The following AHNAK2 variants were observed in gnomAD, a reference collection of about 807,000 sequenced individuals.
The protein encoded by AHNAK2 is AHNAK nucleoprotein 2.
AHNAK2 carries 18 observed loss-of-function variants against 30.7 expected under a neutral mutation model. The observed-to-expected ratio is 0.59, with a 90% CI of 0.41 to 0.87. The LOEUF is 0.87. Ranked by LOEUF, AHNAK2 falls within the 40% of genes least tolerant of loss-of-function variation. The pLI, the probability that AHNAK2 is intolerant of heterozygous loss-of-function variation, is 0.00. For missense variants in AHNAK2, 8,604 were observed against 7,373.0 expected (o/e 1.17, Z -6.11); for synonymous variants, 3,590 against 3,073.8 (o/e 1.17, Z -5.56).
intron 1 of AHNAK2, among the ~76,000 whole-genome samples, chr14:104,957,901 TG>T (rs1899028142): frequency 6.6e-6 from 1 of 152,220 alleles, no homozygotes; most frequent in African/African-American, 2.4e-5. Context: ...TATTCCAAGT[TG>T]GAACAGATTT....
rs373138740 is a variant in AHNAK2, at chr14:104,950,418, T to G, written c.5033A>C (p.Glu1678Ala). 2.5e-5 allele frequency: 39 copies of G among 1,586,772 alleles called. 4 individuals are homozygous for G. Among genetic ancestry groups the G allele is most frequent in the Admixed American group, 1.2e-4 (7 of 57,478 alleles). The stretch of plus-strand genomic sequence containing the variant: ...CGGCTCAGACACATCCACCGAGGCC[T>G]CGATGGACTTGCCTGGGGCCGACAC... ...FGVSAPGKSI[E>A]ASVDVSEPKV... Residue 1678 changes from glutamate to alanine, a missense_variant, in exon 7 of 7, where the codon GAG (glutamate) becomes GCG (alanine). Transcript: ENST00000333244.
intron 3 of AHNAK2, 23 bp from the exon 4 acceptor site, chr14:104,956,712 T>C (rs747008767): frequency 8.7e-6 from 14 of 1,610,700 alleles, no homozygotes; most frequent in Non-Finnish European, 1.2e-5. Flanking sequence ...GTGTTGGGAG[T>C]TAGGCACCTG....
In AHNAK2 at chr14:104,940,202, C is replaced by T; in HGVS notation, c.15249G>A (p.Glu5083=). 1 of 1,613,586 alleles carries T rather than the reference C, an allele frequency of 6.2e-7. No homozygotes were observed. Among genetic ancestry groups the T allele is most frequent in the Non-Finnish European group, 8.5e-7 (1 of 1,179,900 alleles). ...CCTGTGGCCGGTGGAGGTTCACACC[C>T]TCACTTCCTGTGGCACTTGCTGTTG... ...LGATASATGS[E]GVNLHRPQVH... is the part of the protein sequence containing the mutation. Residue 5083 remains glutamate, a synonymous_variant, in exon 7 of 7, where the codon GAG becomes GAA. Coordinates refer to ENST00000333244, the MANE Select transcript of AHNAK2 (RefSeq NM_138420.4). This position sits in a 1 kb window ranked among gnomAD's most constrained non-coding sequence, Gnocchi z 4.4.
At chr14:104,967,823 G>C (rs557553535) in intron 1 of AHNAK2, among the ~76,000 whole-genome samples, 1 of 152,192 alleles carries the variant, frequency 6.6e-6, no homozygotes, top group South Asian at 2.1e-4. Context: ...CCTCGGACCC[G>C]CGCCAGTCGG....
chr14:104,955,865 G>A (rs1360294416), intron 4 of AHNAK2, among the ~76,000 whole-genome samples: 1 of 152,234 alleles, frequency 6.6e-6, no homozygotes, highest in Non-Finnish European at 1.5e-5. Context: ...AACCTGCCAG[G>A]ACTTAGGCAC....
At position 104,942,682 on chromosome 14, in the gene AHNAK2, C is replaced by T. The variant is rs117776917; in HGVS notation, c.12769G>A (p.Val4257Met). 240 of 1,613,164 alleles carry T rather than the reference C, an allele frequency of 1.5e-4. No individual in the cohort carries two copies. The African/African-American group carries it at 2.2e-3, about 15-fold the overall frequency. ...GPKADVMTPV[V>M]EVSLPSMEVD... ...TCCATGCTGGGCAGAGACACCTCCA[C>T]GACGGGGGTCATCACATCCGCCTTG... Residue 4257 changes from valine to methionine, a missense_variant, in exon 7 of 7, where the codon GTG (valine) becomes ATG (methionine). Coordinates refer to ENST00000333244, the MANE Select transcript of AHNAK2 (RefSeq NM_138420.4).
chr14:104,948,142 C>G lies in AHNAK2; in HGVS notation c.7309G>C (p.Val2437Leu). 3 of 1,612,634 alleles carry G rather than the reference C, an allele frequency of 1.9e-6. No homozygotes were observed. Among genetic ancestry groups the G allele is most frequent in the South Asian group, 1.1e-5 (1 of 91,036 alleles). The part of the protein sequence containing the change: ...KLDLKGPKTD[V>L]MAPDVEVSQP... ...GACACCTCCACGTCGGGGGCCATCA[C>G]GTCCGTCTTGGGGCCTTTCAGGTCC... Residue 2437 changes from valine to leucine, a missense_variant, in exon 7 of 7, where the codon GTG (valine) becomes CTG (leucine). Coordinates refer to ENST00000333244, the MANE Select transcript of AHNAK2 (RefSeq NM_138420.4).
rs770531554 is a variant in AHNAK2 at position 104,942,655 on chromosome 14, C to T, written c.12796G>A (p.Val4266Met). 2.5e-5 allele frequency: 40 copies of T among 1,613,324 alleles called. No homozygotes were observed. Among genetic ancestry groups the T allele is most frequent in the Non-Finnish European group, 3.2e-5 (38 of 1,179,728 alleles). Residue 4266 changes from valine to methionine, a missense_variant, in exon 7 of 7, where the codon GTG becomes ATG. Val to Met is a conservative substitution (Grantham distance 21). Transcript: ENST00000333244. ...VVEVSLPSME[V>M]DVEAPGAKLD... ...TTGGCTCCCGGGGCCTCGACGTCCA[C>T]CTCCATGCTGGGCAGAGACACCTCC...
chr14:104,942,601 G>A lies in AHNAK2; in HGVS notation c.12850C>T (p.Leu4284=), dbSNP rs780221272. Residue 4284 remains leucine, a synonymous_variant, in exon 7 of 7, where the codon CTG becomes TTG. Transcript: ENST00000333244. ...GTCATGTCCTTGTCGGCTAGGGACA[G>A]GTCACCCTCCAGCCGCACACTGTCC... ...KLDSVRLEGD[L]SLADKDMTAK... 6.2e-7 allele frequency: 1 copy of A among 1,613,210 alleles called. No individual in the cohort carries two copies.
chr14:104,965,606 C>T (rs1253901695), intron 1 of AHNAK2, among the ~76,000 whole-genome samples: 1 of 152,174 alleles, frequency 6.6e-6, no homozygotes, highest in East Asian at 1.9e-4. Context: ...CAAGGAGGGT[C>T]TCAGAACTAA....
chr14:104,961,793 T>C (rs1386121399), intron 1 of AHNAK2, among the ~76,000 whole-genome samples: 1 of 151,898 alleles, frequency 6.6e-6, no homozygotes, highest in Non-Finnish European at 1.5e-5. Flanking sequence ...GGCAACACAG[T>C]GAGACCTCAT....
At chr14:104,968,333 C>T (rs1485050959) in intron 1 of AHNAK2, among the ~76,000 whole-genome samples, 1 of 145,640 alleles carries the variant, frequency 6.9e-6, no homozygotes, top group Non-Finnish European at 1.5e-5. Flanking sequence ...CTGGACTATC[C>T]TGGCGCAGGG....
Position 104,939,727 on chromosome 14 carries a change from C to A in AHNAK2, c.15724G>T (p.Val5242Leu). The change falls in exon 7 of 7, where the codon GTG (valine) becomes TTG (leucine). Residue 5242 changes from valine (V) to leucine (L), a missense_variant. By Grantham distance (32) the Val-to-Leu change is conservative. Coordinates refer to ENST00000333244, the MANE Select transcript of AHNAK2 (RefSeq NM_138420.4). The part of the protein sequence containing the change: ...VKEFLVSGSN[V>L]EAAMSLQLPE... ...AGCTGTAGGGACATAGCTGCCTCCA[C>A]GTTTGACCCAGAAACAAGGAACTCT... is the stretch of plus-strand genomic sequence containing the variant. 17 of 1,613,874 alleles carry A rather than the reference C, an allele frequency of 1.1e-5. No individual in the cohort carries two copies. The highest frequency in any genetic ancestry group is 1.4e-5 in the Non-Finnish European group (17 of 1,179,886).
At position 104,952,834 on chromosome 14, in the gene AHNAK2, G is replaced by C; in HGVS notation, c.2617C>G (p.Gln873Glu). The C allele has an allele frequency of 6.2e-7, 1 of 1,612,722 alleles. No homozygotes were observed. Among genetic ancestry groups the C allele is most frequent in the Non-Finnish European group, 8.5e-7 (1 of 1,179,588 alleles). The change falls in exon 7 of 7, where the codon CAG becomes GAG. Residue 873 changes from glutamine to glutamate, a missense_variant. By Grantham distance (29) the Gln-to-Glu change is conservative. Coordinates refer to ENST00000333244, the MANE Select transcript of AHNAK2 (RefSeq NM_138420.4). ...AGGTCAGTGGCCTTGAGGTCCCCCT[G>C]CATGGAGGAGAGGCTCACGTCGGCC... ...VEADVSLSSM[Q>E]GDLKATDLSI...
Position 104,949,330 on chromosome 14 carries a change from G to C in AHNAK2, c.6121C>G (p.Pro2041Ala), listed in dbSNP as rs570119913. 227 of 1,471,242 alleles carry C rather than the reference G, an allele frequency of 1.5e-4. 17 individuals carry two copies. The East Asian group carries it at 3.9e-3, about 25-fold the overall frequency. The allele number at this position is 1,471,242 out of a possible 1,614,324, so 91.1% of individuals were successfully genotyped here. The change falls in exon 7 of 7, where the codon CCT becomes GCT. Residue 2041 changes from proline to alanine, a missense_variant. Physicochemically the swap from Pro to Ala is conservative, Grantham distance 27. Coordinates refer to ENST00000333244, the MANE Select transcript of AHNAK2 (RefSeq NM_138420.4). ...GTCTGGACCTTCAGGTCGGCAGAAG[G>C]GGGCTGAATGCTGAGGTCAGTGGTC... ...LKTTDLSIQP[P>A]SADLKVQTGQ... is the part of the protein sequence containing the mutation.
In AHNAK2 at chr14:104,940,326, T is replaced by G; in HGVS notation, c.15125A>C (p.Gln5042Pro). 1 of 1,613,844 alleles carries G rather than the reference T, an allele frequency of 6.2e-7. No homozygotes were observed. The highest frequency in any genetic ancestry group is 8.5e-7 in the Non-Finnish European group (1 of 1,179,892). ...AGAAAGGGAAGGATCCACGTCTCTCTGTGGCAGGCTGACCCCACTCTTAGA... is the reference window on the plus strand; with the variant it reads ...AGAAAGGGAAGGATCCACGTCTCTCGGTGGCAGGCTGACCCCACTCTTAGA... ...KASKSGVSLP[Q>P]RDVDPSLSSA... The change falls in exon 7 of 7, where the codon CAG becomes CCG. Residue 5042 changes from glutamine (Q) to proline (P), a missense_variant. Physicochemically the swap from Gln to Pro is moderately conservative, Grantham distance 76. Transcript: ENST00000333244. The surrounding 1 kb of genome is among the most constrained non-coding windows in gnomAD (Gnocchi z 4.4).
rs1303643526 is a variant in AHNAK2, at chr14:104,943,710, T to C, written c.11741A>G (p.Asp3914Gly). The change falls in exon 7 of 7, where the codon GAC becomes GGC. Residue 3914 changes from aspartate (D) to glycine (G), a missense_variant. Coordinates refer to ENST00000333244, the MANE Select transcript of AHNAK2 (RefSeq NM_138420.4). ...CACTTCCACCTTGGGGTCTTTTAGG[T>C]CCAGCTTGGGGCCCTTGATGTCTAT... ...PEIDIKGPKL[D>G]LKDPKVEVTA... is the part of the protein sequence containing the mutation. The C allele has an allele frequency of 6.2e-7, 1 of 1,612,616 alleles. No homozygotes were observed. Among genetic ancestry groups the C allele is most frequent in the Non-Finnish European group, 8.5e-7 (1 of 1,179,452 alleles).
Position 104,943,004 on chromosome 14 carries a change from G to C in AHNAK2, c.12447C>G (p.Gly4149=), listed in dbSNP as rs780638014. 15 of 1,613,110 alleles carry C rather than the reference G, an allele frequency of 9.3e-6. No individual in the cohort carries two copies. The highest frequency in any genetic ancestry group is 5.0e-5 in the Admixed American group (3 of 59,956). Reference sequence around the variant, plus strand: ...CATCCACGGACGCCTCCATGGACTTGCCTGGGGCCGACACCCCGAATGATG... The same window carrying C: ...CATCCACGGACGCCTCCATGGACTTCCCTGGGGCCGACACCCCGAATGATG... ...KMPSFGVSAP[G]KSMEASVDVS... Residue 4149 remains glycine (G), a synonymous_variant, in exon 7 of 7, where the codon GGC becomes GGG. Coordinates refer to ENST00000333244, the MANE Select transcript of AHNAK2 (RefSeq NM_138420.4).
chr14:104,949,430 G>A lies in AHNAK2; in HGVS notation c.6021C>T (p.Ile2007=), dbSNP rs181281645. ...SFGVSAPGRS[I]EASVDVPAPK... Reference sequence around the variant, plus strand: ...GTGCAGGCACATCCACCGAGGCCTCGATGGACCTCCCTGGGGCCGATACCC... The same window carrying A: ...GTGCAGGCACATCCACCGAGGCCTCAATGGACCTCCCTGGGGCCGATACCC... The change falls in exon 7 of 7, where the codon ATC becomes ATT. Residue 2007 remains isoleucine, a synonymous_variant. Transcript: ENST00000333244. 4.8e-5 allele frequency: 76 copies of A among 1,587,196 alleles called. 7 individuals carry two copies. The highest frequency in any genetic ancestry group is 2.3e-4 in the African/African-American group (17 of 73,462).
Sources: gnomAD v4.1 joint callset for allele counts (sites outside exome capture counted in the v4.1 genomes callset) on GRCh38, gnomAD v4.1.1 for gene constraint, Gnocchi (gnomAD v3.1) non-coding constraint, MANE v1.5 for transcripts, NCBI Gene and HGNC (gene_info 2026-07-23, HGNC 2026-07-21) for gene names.